Variants in CTSB observed in about 807,000 individuals in gnomAD.
CTSB encodes cathepsin B.
A neutral mutation model predicts 44.3 loss-of-function variants in CTSB; 57 were observed. The observed-to-expected ratio is 1.29, with a 90% confidence interval of 1.04 to 1.60. CTSB has a LOEUF of 1.60. Ranked by LOEUF, CTSB falls within the 40% of genes most tolerant of loss-of-function variation. The probability of loss-of-function intolerance (pLI) is 0.00; values close to 1 mark genes in which losing one functional copy is unlikely to be tolerated. For missense variants in CTSB, 768 were observed against 443.0 expected (o/e 1.73, Z -6.59); for synonymous variants, 320 against 168.0 (o/e 1.91, Z -7.00).
chr8:11,848,995 GC>G lies in CTSB; in HGVS notation c.446+50del, dbSNP rs1392257697. The G allele has an allele frequency of 2.9e-6, 4 of 1,373,872 alleles. No homozygotes were observed. The African/African-American group carries it at 5.7e-5, about 20-fold the overall frequency. The allele number at this position is 1,373,872 out of a possible 1,614,324, so 85.1% of individuals were successfully genotyped here. ...AAGTCCCCTCCACTGAGAAGCTGGG[GC>G]CCAGGGTCTCTCAGCACTAAACCCG... On this transcript the variant is annotated intron_variant, in intron 5 of 9. Coordinates refer to ENST00000353047, the MANE Select transcript of CTSB (RefSeq NM_001908.5).
At chr8:11,860,199 T>G (rs1051808185) in intron 1 of CTSB, among the ~76,000 whole-genome samples, 1 of 152,192 alleles carries the variant, frequency 6.6e-6, no homozygotes, top group Non-Finnish European at 1.5e-5. Context: ...ATAAGCCAAG[T>G]TGCTAGCTCC....
intron 1 of CTSB, among the ~76,000 whole-genome samples, chr8:11,856,820 GGA>G (rs948088619): frequency 3.3e-5 from 5 of 151,120 alleles, no homozygotes; most frequent in African/African-American, 9.7e-5. Context: ...ACTACGGTGG[GGA>G]GACTTTTTTT....
chr8:11,846,799 G>A (rs921744367), intron 8 of CTSB, among the ~76,000 whole-genome samples: 4 of 152,158 alleles, frequency 2.6e-5, no homozygotes, highest in African/African-American at 9.7e-5. Flanking sequence ...TAATGGATGG[G>A]AAGGAACTAG....
chr8:11,867,886 C>G (rs1817407871), intron 1 of CTSB, 115 bp downstream of exon 1: 1 of 152,034 alleles, frequency 6.6e-6, no homozygotes, highest in Non-Finnish European at 1.5e-5. Flanking sequence ...AGGGACGCCG[C>G]GGGGCCGCGC....
intron 1 of CTSB, among the ~76,000 whole-genome samples, chr8:11,864,729 G>C (rs1440058870): frequency 6.6e-6 from 1 of 151,958 alleles, no homozygotes; most frequent in Non-Finnish European, 1.5e-5. Context: ...GGCGAGGCGG[G>C]CAGATCATTT....
chr8:11,845,487 C>G (rs1160150151), intron 9 of CTSB, among the ~76,000 whole-genome samples, 174 bp downstream of exon 9: 2 of 152,226 alleles, frequency 1.3e-5, no homozygotes, highest in African/African-American at 2.4e-5. Flanking sequence ...TGCTCAGAGT[C>G]TGCCCTCACA....
chr8:11,853,086 C>T (rs1814889512), intron 2 of CTSB, among the ~76,000 whole-genome samples: 1 of 152,148 alleles, frequency 6.6e-6, no homozygotes, highest in Admixed American at 6.5e-5. Context: ...CCCCCACACA[C>T]CTCCACGTGC....
In CTSB at chr8:11,854,154, T is replaced by C. The variant is rs576553487; in HGVS notation, c.-25-675A>G. Reference sequence around the variant, plus strand: ...CAAGCCAGTGCTTTCCAGCTTGAACTCTGAGTCACCCTCCTAAGTGAGCAG... The same window carrying C: ...CAAGCCAGTGCTTTCCAGCTTGAACCCTGAGTCACCCTCCTAAGTGAGCAG... On this transcript the variant is annotated intron_variant, in intron 1 of 9. Transcript: ENST00000353047. Among the ~76,000 whole-genome samples the C allele has an allele frequency of 1.1e-4, 16 of 152,286 alleles. No homozygotes were observed. The East Asian group carries it at 2.9e-3, about 28-fold the overall frequency.
In CTSB at chr8:11,861,200, C is replaced by A. The variant is rs562267516; in HGVS notation, c.-26+6801G>T. 1.2e-4 allele frequency among the ~76,000 whole-genome samples: 18 copies of A among 152,354 alleles called. No individual in the cohort carries two copies. In the South Asian group the frequency reaches 3.5e-3, roughly 30 times the overall value. ...ACGGGCACCAGAGGCCCATCTGTCC[C>A]ATGGAGCAGGCTCCCTGCAGCTGTA... On this transcript the variant is annotated intron_variant, in intron 1 of 9. Transcript: ENST00000353047.
chr8:11,850,940 C>T lies in CTSB; in HGVS notation c.253G>A (p.Asp85Asn), dbSNP rs1814480699. 2.5e-6 allele frequency: 4 copies of T among 1,613,358 alleles called. No homozygotes were observed. Among genetic ancestry groups the T allele is most frequent in the Admixed American group, 1.7e-5 (1 of 59,962 alleles). The stretch of plus-strand genomic sequence containing the variant: ...CACTGTGGCCATTGTTCCCGTGCAT[C>T]GAAGCTTGCAGGCAGCTTCAGGTCC... Reference protein sequence around the residue: ...TEDLKLPASFDAREQWPQCPT... With the variant: ...TEDLKLPASFNAREQWPQCPT... The change falls in exon 4 of 10, where the codon GAT (aspartate) becomes AAT (asparagine). Residue 85 changes from aspartate to asparagine, a missense_variant. Physicochemically the swap from Asp to Asn is conservative, Grantham distance 23. Transcript: ENST00000353047.
At chr8:11,852,586 C>A (rs767484668) in intron 3 of CTSB, 24 bp downstream of exon 3, 1 of 1,591,494 alleles carries the variant, frequency 6.3e-7, no homozygotes, top group Admixed American at 1.7e-5. Flanking sequence ...CACATTACAG[C>A]GGTGCAGAGG....
Position 11,847,710 on chromosome 8 carries a change from G to A in CTSB, c.645C>T (p.Tyr215=), listed in dbSNP as rs777299118. ...PKCSKICEPG[Y]SPTYKQDKHY... The stretch of plus-strand genomic sequence containing the variant: ...GCTTGTCCTGTTTGTAGGTCGGGCT[G>A]TAGCCAGGCTCACAGATCTTGCTAC... Residue 215 remains tyrosine, a synonymous_variant, in exon 7 of 10, where the codon TAC becomes TAT. Transcript: ENST00000353047. 3.1e-6 allele frequency: 5 copies of A among 1,589,040 alleles called. No homozygotes were observed. The highest frequency in any genetic ancestry group is 4.3e-6 in the Non-Finnish European group (5 of 1,169,916).
At chr8:11,847,957 TCAG>T in intron 6 of CTSB, 107 bp downstream of exon 6, 2 of 1,332,014 alleles carry the variant, frequency 1.5e-6, no homozygotes, top group Admixed American at 2.0e-5. Context: ...CTAGCACCTC[TCAG>T]CAGCCCCTCT....
Position 11,843,328 on chromosome 8 carries a change from T to C in CTSB, c.*1797A>G, listed in dbSNP as rs1812604435. Reference sequence around the variant, plus strand: ...TCAGATTTTCAGAGCTTATTTGATCTAGCATCTGGTTCCTAAATTCTGAGT... The same window carrying C: ...TCAGATTTTCAGAGCTTATTTGATCCAGCATCTGGTTCCTAAATTCTGAGT... On this transcript the variant is annotated 3_prime_UTR_variant, in exon 10 of 10. Coordinates refer to ENST00000353047, the MANE Select transcript of CTSB (RefSeq NM_001908.5). 1 of 152,344 alleles carries C rather than the reference T, an allele frequency of 6.6e-6. No individual in the cohort carries two copies. The highest frequency in any genetic ancestry group is 2.1e-4 in the South Asian group (1 of 4,832). 9.4% of individuals were successfully genotyped at this position (152,344 alleles called of 1,614,324 possible).
At chr8:11,846,694 T>C (rs1482346998) in intron 8 of CTSB, among the ~76,000 whole-genome samples, 2 of 152,050 alleles carry the variant, frequency 1.3e-5, no homozygotes, top group Non-Finnish European at 2.9e-5. Flanking sequence ...AGAAACATGC[T>C]GGTAAAGCAA....
At chr8:11,851,812 G>A (rs896018694) in intron 3 of CTSB, among the ~76,000 whole-genome samples, 15 of 151,958 alleles carry the variant, frequency 9.9e-5, no homozygotes, top group Non-Finnish European at 2.1e-4. Flanking sequence ...GATTACAGGC[G>A]CCCGCCACCA....
At chr8:11,851,079 G>C (rs1053225232) in intron 3 of CTSB, 99 bp from the exon 4 acceptor site, 6 of 693,220 alleles carry the variant, frequency 8.7e-6, no homozygotes, top group East Asian at 5.8e-5. Context: ...CCCTAACAAG[G>C]AAATGAGCAC....
At chr8:11,862,800 C>T (rs911950123) in intron 1 of CTSB, among the ~76,000 whole-genome samples, 16 of 152,250 alleles carry the variant, frequency 1.1e-4, no homozygotes, top group African/African-American at 3.6e-4. Context: ...CCCGGCCCTC[C>T]GGGCTCTTAG....
chr8:11,861,807 T>C (rs1021807257), intron 1 of CTSB, among the ~76,000 whole-genome samples: 1 of 152,248 alleles, frequency 6.6e-6, no homozygotes, highest in Non-Finnish European at 1.5e-5. Context: ...GTTCTGCTCA[T>C]TAGTGTTCTG....
Sources: gnomAD v4.1 joint callset for allele counts (sites outside exome capture counted in the v4.1 genomes callset) on GRCh38, gnomAD v4.1.1 for gene constraint, MANE v1.5 for transcripts, NCBI Gene and HGNC (gene_info 2026-07-23, HGNC 2026-07-21) for gene names.